Variants in TATDN2 observed in about 807,000 individuals in gnomAD.
The protein encoded by TATDN2 is 3'-5' RNA nuclease TATDN2.
TATDN2 carries 44 observed loss-of-function variants against 60.3 expected under a neutral mutation model. The ratio of observed to expected loss-of-function variants is 0.73; its 90% CI spans 0.57 to 0.94. The LOEUF is 0.94. Ranked by LOEUF, TATDN2 falls within the 40% of genes least tolerant of loss-of-function variation. The pLI is 0.00. For missense variants in TATDN2, 997 were observed against 948.0 expected (o/e 1.05, Z -0.68); for synonymous variants, 399 against 355.8 (o/e 1.12, Z -1.37).
At chr3:10,252,653 C>T (rs1318566614) in intron 2 of TATDN2, among the ~76,000 whole-genome samples, 3 of 151,886 alleles carry the variant, frequency 2.0e-5, no homozygotes, top group Non-Finnish European at 4.4e-5. Flanking sequence ...TCAGGTCCTT[C>T]TAGAGTCCTC....
Position 10,278,315 on chromosome 3 carries a change from C to T in TATDN2, c.1998C>T (p.Pro666=), listed in dbSNP as rs1698667610. Residue 666 remains proline (P), a synonymous_variant, in exon 6 of 8, where the codon CCC becomes CCT. Transcript: ENST00000448281. This position sits in a 1 kb window ranked among gnomAD's most constrained non-coding sequence, Gnocchi z 4.7. The part of the protein sequence containing the change: ...CFTGSYPVIE[P]LLKYFPNMSV... Reference sequence around the variant, plus strand: ...CCGGCAGCTACCCGGTCATTGAGCCCCTGCTGAAGTACTTTCCCAACATGT... The same window carrying T: ...CCGGCAGCTACCCGGTCATTGAGCCTCTGCTGAAGTACTTTCCCAACATGT... The T allele has an allele frequency of 6.2e-7, 1 of 1,614,120 alleles. No individual in the cohort carries two copies. The highest frequency in any genetic ancestry group is 8.5e-7 in the Non-Finnish European group (1 of 1,179,998).
intron 3 of TATDN2, among the ~76,000 whole-genome samples, chr3:10,265,222 A>G (rs1698460703): frequency 1.3e-5 from 2 of 149,210 alleles, no homozygotes; most frequent in African/African-American, 4.9e-5. Context: ...GATTACAGGC[A>G]TGGACCACCA....
chr3:10,263,141 C>T (rs550624394), intron 3 of TATDN2, among the ~76,000 whole-genome samples: 101 of 151,918 alleles, frequency 6.6e-4, no homozygotes, highest in African/African-American at 2.3e-3. Context: ...CCTCATGATC[C>T]GCCCGGCTCA....
At chr3:10,252,719 C>T (rs1376107300) in intron 2 of TATDN2, among the ~76,000 whole-genome samples, 1 of 151,540 alleles carries the variant, frequency 6.6e-6, no homozygotes, top group Admixed American at 6.6e-5. Flanking sequence ...GAGACAGGGT[C>T]TTGCTCTGTC....
Position 10,278,582 on chromosome 3 carries a change from G to T in TATDN2, c.2145+120G>T. On this transcript the variant is annotated intron_variant, in intron 6 of 7. Coordinates refer to ENST00000448281, the MANE Select transcript of TATDN2 (RefSeq NM_014760.4). This position sits in a 1 kb window ranked among gnomAD's most constrained non-coding sequence, Gnocchi z 4.7. ...TGACTTCCAGGTCCCATCCTGGGCT[G>T]TGTAGATGCCTCCTTGCTGTTACTC... 1 of 1,343,330 alleles carries T rather than the reference G, an allele frequency of 7.4e-7. No individual in the cohort carries two copies. Among genetic ancestry groups the T allele is most frequent in the Non-Finnish European group, 1.1e-6 (1 of 943,538 alleles). 83.2% of individuals were successfully genotyped at this position (1,343,330 alleles called of 1,614,324 possible).
chr3:10,249,088 G>T (rs921828966), intron 1 of TATDN2, 21 bp downstream of exon 1: 6 of 1,307,360 alleles, frequency 4.6e-6, no homozygotes, highest in Admixed American at 2.7e-5. Context: ...CTAGCCCCTG[G>T]CTCTGCCCTT....
chr3:10,274,097 T>A (rs1305608498), intron 4 of TATDN2, among the ~76,000 whole-genome samples: 1 of 152,236 alleles, frequency 6.6e-6, no homozygotes, highest in Non-Finnish European at 1.5e-5. Context: ...TGAGTAATTA[T>A]ACTGGGTAAT....
intron 4 of TATDN2, among the ~76,000 whole-genome samples, chr3:10,273,313 A>G (rs1360334752): frequency 6.6e-6 from 1 of 150,932 alleles, no homozygotes; most frequent in Non-Finnish European, 1.5e-5. Context: ...TGATGTAAAT[A>G]AAAAATTTGG....
Position 10,270,850 on chromosome 3 carries a change from G to A in TATDN2, c.1668G>A (p.Leu556=), listed in dbSNP as rs56261813. 5.7e-3 allele frequency: 9,171 copies of A among 1,614,152 alleles called. 426 individuals carry two copies. The African/African-American group carries it at 0.1, about 18-fold the overall frequency. ...GGGAGGAGCTGTTGAAAGAGGATCT[G>A]GTCTGGGGGGCCTTTGGCTGTCACC... is the stretch of plus-strand genomic sequence containing the variant. The part of the protein sequence containing the change: ...CLWEELLKED[L]VWGAFGCHPH... The change falls in exon 4 of 8, where the codon CTG becomes CTA. Residue 556 remains leucine (L), a synonymous_variant. Coordinates refer to ENST00000448281, the MANE Select transcript of TATDN2 (RefSeq NM_014760.4).
intron 3 of TATDN2, among the ~76,000 whole-genome samples, chr3:10,266,868 A>ACT (rs1698482449): frequency 6.6e-6 from 1 of 151,706 alleles, no homozygotes; most frequent in African/African-American, 2.4e-5. Context: ...AGTGCCCAGT[A>ACT]GTAGGTGCTC....
intron 4 of TATDN2, 129 bp downstream of exon 4, chr3:10,271,144 C>A: frequency 8.5e-7 from 1 of 1,177,636 alleles, no homozygotes; most frequent in Non-Finnish European, 1.1e-6. Context: ...TGTGCTTGCT[C>A]TCATCCAGAC....
chr3:10,264,081 C>G (rs1190745390), intron 3 of TATDN2, among the ~76,000 whole-genome samples: 3 of 152,168 alleles, frequency 2.0e-5, no homozygotes, highest in African/African-American at 7.2e-5. Context: ...CTGACCAGGC[C>G]TTATTCTAGA....
intron 2 of TATDN2, among the ~76,000 whole-genome samples, chr3:10,256,471 C>T (rs1698310194): frequency 6.6e-6 from 1 of 150,736 alleles, no homozygotes; most frequent in Non-Finnish European, 1.5e-5. Flanking sequence ...CCACCACACC[C>T]AGCCTTGTTT....
chr3:10,258,876 CT>C (rs56312703), intron 2 of TATDN2, among the ~76,000 whole-genome samples: 29,289 of 145,910 alleles, frequency 0.2, 4,056 homozygotes, highest in East Asian at 0.69. Context: ...GCAATTTTGC[CT>C]TTTTTTTTTT....
In TATDN2 at chr3:10,280,810, G is replaced by A. The variant is rs891130859; in HGVS notation, c.*1628G>A. The A allele has an allele frequency of 9.1e-5, 14 of 153,940 alleles. No homozygotes were observed. Among genetic ancestry groups the A allele is most frequent in the African/African-American group, 3.4e-4 (14 of 41,438 alleles). The allele number at this position is 153,940 out of a possible 1,614,324, so 9.5% of individuals were successfully genotyped here. A position where few individuals can be genotyped will look rare whatever the true frequency, so the allele number is the denominator to read the frequency against. ...CCTGATTTCCTGCTTGGAAGACTTG[G>A]GGGACTGCCGAGCATATCAAAGTGT... On this transcript the variant is annotated 3_prime_UTR_variant, in exon 8 of 8. Coordinates refer to ENST00000448281, the MANE Select transcript of TATDN2 (RefSeq NM_014760.4).
At chr3:10,252,271 A>T (rs1457748584) in intron 2 of TATDN2, among the ~76,000 whole-genome samples, 3 of 149,830 alleles carry the variant, frequency 2.0e-5, no homozygotes, top group Non-Finnish European at 4.4e-5. Flanking sequence ...AAGCGCTGGG[A>T]TTAGAGGCAT....
chr3:10,274,754 AAC>A (rs1280023544), intron 4 of TATDN2, among the ~76,000 whole-genome samples: 1 of 152,204 alleles, frequency 6.6e-6, no homozygotes, highest in Non-Finnish European at 1.5e-5. Context: ...TTTCTTTGAA[AAC>A]ACAGATTAAA....
At chr3:10,264,489 G>A (rs946386712) in intron 3 of TATDN2, among the ~76,000 whole-genome samples, 1 of 152,086 alleles carries the variant, frequency 6.6e-6, no homozygotes, top group African/African-American at 2.4e-5. Flanking sequence ...AAAATAAGTC[G>A]AATTTGTTCA....
chr3:10,275,469 C>T (rs977659367), intron 4 of TATDN2, among the ~76,000 whole-genome samples: 3 of 152,138 alleles, frequency 2.0e-5, no homozygotes, highest in Non-Finnish European at 4.4e-5. Flanking sequence ...GCAAATTGGC[C>T]GGGCATGGCG....
Sources: gnomAD v4.1 joint callset for allele counts (sites outside exome capture counted in the v4.1 genomes callset) on GRCh38, gnomAD v4.1.1 for gene constraint, Gnocchi (gnomAD v3.1) non-coding constraint, MANE v1.5 for transcripts, NCBI Gene and HGNC (gene_info 2026-07-23, HGNC 2026-07-21) for gene names.